SBF2: variants seen among roughly 807,000 people sequenced by gnomAD.
SBF2 encodes the protein SET binding factor 2, also known as myotubularin-related protein 13.
SBF2 carries 112 observed loss-of-function variants against 225.2 expected under a neutral mutation model. That is an observed-to-expected ratio of 0.50 (90% confidence interval 0.43 to 0.58). The LOEUF (loss-of-function observed/expected upper bound fraction) is 0.58. Ranked by LOEUF, SBF2 falls within the 20% of genes least tolerant of loss-of-function variation. SBF2 has a pLI of 0.00. For missense variants in SBF2, 1,996 were observed against 2,206.2 expected (o/e 0.90, Z 1.91); for synonymous variants, 763 against 773.3 (o/e 0.99, Z 0.22).
chr11:9,783,684 T>G (rs1327669661), intron 38 of SBF2, among the ~76,000 whole-genome samples: 2 of 152,176 alleles, frequency 1.3e-5, no homozygotes, highest in African/African-American at 2.4e-5. Flanking sequence ...AACCTAACAG[T>G]AGTCAAAAGA....
chr11:10,170,275 G>A (rs1193834438), intron 2 of SBF2, among the ~76,000 whole-genome samples: 1 of 152,144 alleles, frequency 6.6e-6, no homozygotes, highest in East Asian at 1.9e-4. Flanking sequence ...TTACATTTAA[G>A]TCTTTAATCA....
chr11:10,284,097 T>C (rs138053985), intron 1 of SBF2, among the ~76,000 whole-genome samples: 18 of 152,334 alleles, frequency 1.2e-4, no homozygotes, highest in African/African-American at 3.8e-4. Flanking sequence ...ACTTTTAATT[T>C]TGAGATAGTT....
intron 2 of SBF2, among the ~76,000 whole-genome samples, chr11:10,055,119 C>G (rs1037874018): frequency 1.3e-5 from 2 of 152,092 alleles, no homozygotes; most frequent in African/African-American, 4.8e-5. Flanking sequence ...CCAGGCTGGT[C>G]TGGAACTCCT....
Position 9,808,177 on chromosome 11 carries a change from G to T in SBF2, c.4266C>A (p.Ser1422=), listed in dbSNP as rs763445946. 2 of 1,613,756 alleles carry T rather than the reference G, an allele frequency of 1.2e-6. No individual in the cohort carries two copies. Among genetic ancestry groups the T allele is most frequent in the Non-Finnish European group, 1.7e-6 (2 of 1,179,864 alleles). The change falls in exon 32 of 40, where the codon TCC becomes TCA. Residue 1422 remains serine (S), a synonymous_variant. Transcript: ENST00000256190. ...AGGGATCACTGAGTAACTGAACCAGGGATGTCACCTAGGGCATAAGCAGGA... is the reference window on the plus strand; with the variant it reads ...AGGGATCACTGAGTAACTGAACCAGTGATGTCACCTAGGGCATAAGCAGGA... The part of the protein sequence containing the change: ...EGWDITAQVT[S]LVQLLSDPFY...
At chr11:9,999,783 G>T (rs1402648068) in intron 8 of SBF2, among the ~76,000 whole-genome samples, 1 of 152,144 alleles carries the variant, frequency 6.6e-6, no homozygotes, top group Non-Finnish European at 1.5e-5. Flanking sequence ...AACATATAAA[G>T]TTAGAAAGAA....
intron 2 of SBF2, among the ~76,000 whole-genome samples, chr11:10,182,859 C>T (rs1201128153): frequency 2.6e-5 from 4 of 151,924 alleles, no homozygotes; most frequent in Non-Finnish European, 5.9e-5. Flanking sequence ...CTGCAACCTC[C>T]GTGTCCTGGG....
intron 2 of SBF2, among the ~76,000 whole-genome samples, chr11:10,146,197 G>C (rs933347618): frequency 5.3e-5 from 8 of 151,970 alleles, no homozygotes; most frequent in Admixed American, 5.3e-4. Context: ...TATCAATGAC[G>C]TTCTTCAAAA....
At chr11:9,813,969 C>A (rs575907069) in intron 29 of SBF2, among the ~76,000 whole-genome samples, 1 of 151,956 alleles carries the variant, frequency 6.6e-6, no homozygotes, top group East Asian at 1.9e-4. Context: ...AAAAAAACCA[C>A]GAAAGGCTTT....
chr11:10,129,100 CTTTTTTTTTT>C (rs757476668), intron 2 of SBF2, among the ~76,000 whole-genome samples: 9 of 89,942 alleles, frequency 1.0e-4, no homozygotes, highest in Non-Finnish European at 1.5e-4. Flanking sequence ...AATTTTCTCT[CTTTTTTTTTT>C]TTTTTTTTTT....
At chr11:9,788,955 C>T (rs1021474479) in intron 35 of SBF2, among the ~76,000 whole-genome samples, 154 bp downstream of exon 35, 1 of 152,096 alleles carries the variant, frequency 6.6e-6, no homozygotes, top group East Asian at 1.9e-4. Context: ...CCTGGTCCCC[C>T]ACTGATGATG....
chr11:9,910,777 G>A (rs1023277697), intron 16 of SBF2, among the ~76,000 whole-genome samples: 19 of 151,366 alleles, frequency 1.3e-4, no homozygotes, highest in African/African-American at 2.9e-4. Flanking sequence ...GGCTGGGTAC[G>A]GTGGCTCACA....
chr11:10,206,844 G>C (rs1957769058), intron 1 of SBF2, among the ~76,000 whole-genome samples: 1 of 151,906 alleles, frequency 6.6e-6, no homozygotes, highest in Non-Finnish European at 1.5e-5. Flanking sequence ...GGAACCCATG[G>C]GAGGTCCACA....
At chr11:9,837,124 CTG>C (rs967257151) in intron 26 of SBF2, among the ~76,000 whole-genome samples, 1 of 152,104 alleles carries the variant, frequency 6.6e-6, no homozygotes. Context: ...TAGTACAACA[CTG>C]AATAGAAATG....
At chr11:9,934,994 T>G (rs1025484262) in intron 16 of SBF2, among the ~76,000 whole-genome samples, 1 of 152,092 alleles carries the variant, frequency 6.6e-6, no homozygotes, top group African/African-American at 2.4e-5. Context: ...GGTATTAAAT[T>G]AGGAAAAGAG....
chr11:10,231,518 C>T (rs1565381212), intron 1 of SBF2, among the ~76,000 whole-genome samples: 1 of 152,072 alleles, frequency 6.6e-6, no homozygotes. Flanking sequence ...GTTACTTTTC[C>T]TTCTAACAGT....
intron 6 of SBF2, among the ~76,000 whole-genome samples, chr11:10,026,305 G>T (rs1196143453): frequency 6.6e-6 from 1 of 152,134 alleles, no homozygotes; most frequent in Admixed American, 6.5e-5. Flanking sequence ...CCTCTGCTCT[G>T]ATTGACCCTT....
rs1867111787 is a variant in SBF2, at chr11:9,968,488, G to A, written c.1453C>T (p.His485Tyr). Residue 485 changes from histidine to tyrosine, a missense_variant, in exon 14 of 40, where the codon CAT becomes TAT. Coordinates refer to ENST00000256190, the MANE Select transcript of SBF2 (RefSeq NM_030962.4). ...AAAGGAAGAATATGAACTCGCAAATGGGATCCTTCTGTTGGCCGTGGAACT... is the reference window on the plus strand; with the variant it reads ...AAAGGAAGAATATGAACTCGCAAATAGGATCCTTCTGTTGGCCGTGGAACT... ...QKVPRPTEGS[H>Y]LRVHILPFPE... The A allele has an allele frequency of 6.2e-7, 1 of 1,613,950 alleles. No homozygotes were observed. The highest frequency in any genetic ancestry group is 1.3e-5 in the African/African-American group (1 of 74,900).
chr11:10,019,773 C>G (rs138943527), intron 6 of SBF2, among the ~76,000 whole-genome samples: 1 of 152,118 alleles, frequency 6.6e-6, no homozygotes, highest in Non-Finnish European at 1.5e-5. Flanking sequence ...ATCTGAGGCC[C>G]TAGATGCTGA....
intron 2 of SBF2, among the ~76,000 whole-genome samples, chr11:10,051,892 A>G (rs1950079425): frequency 6.6e-6 from 1 of 152,192 alleles, no homozygotes; most frequent in Non-Finnish European, 1.5e-5. Flanking sequence ...TACTCCTCAT[A>G]GAATTTGGAT....
Sources: allele counts gnomAD v4.1 joint callset (sites outside exome capture counted in the v4.1 genomes callset), GRCh38; gene constraint gnomAD v4.1.1; transcripts MANE v1.5; gene names NCBI Gene and HGNC (gene_info 2026-07-23, HGNC 2026-07-21).